NPAS2: variants seen among roughly 807,000 people sequenced by gnomAD.
NPAS2 encodes the protein neuronal PAS domain protein 2.
A neutral mutation model predicts 107.5 loss-of-function variants in NPAS2; 23 were observed. The observed-to-expected ratio is 0.21, with a 90% confidence interval of 0.15 to 0.30. NPAS2 has a LOEUF of 0.30. NPAS2 is among the 10% of genes least tolerant of loss of function. The pLI is 1.00. For missense variants in NPAS2, 756 were observed against 1,043.3 expected, an observed-to-expected ratio of 0.72 and a Z score of 3.79; for synonymous variants, 403 against 417.5, an observed-to-expected ratio of 0.97 and a Z score of 0.42.
chr2:100,975,015 C>T, intron 13 of NPAS2, 71 bp downstream of exon 13: 3 of 1,557,584 alleles, frequency 1.9e-6, no homozygotes, highest in South Asian at 2.3e-5. Flanking sequence ...ACAGAGGGTC[C>T]CGGGCCCAAG....
At chr2:100,851,289 G>T (rs2104473581) in intron 1 of NPAS2, among the ~76,000 whole-genome samples, 1 of 152,336 alleles carries the variant, frequency 6.6e-6, no homozygotes, top group South Asian at 2.1e-4. Flanking sequence ...GGTAAATTCT[G>T]TGTTATATGT....
At chr2:100,863,595 A>C (rs1157791386) in intron 1 of NPAS2, among the ~76,000 whole-genome samples, 1 of 152,236 alleles carries the variant, frequency 6.6e-6, no homozygotes, top group Non-Finnish European at 1.5e-5. Context: ...TGGCATGAGA[A>C]TGACTCTAAA....
In NPAS2 at chr2:100,990,829, G is replaced by T. The variant is rs58728948; in HGVS notation, c.2068G>T (p.Ala690Ser). Residue 690 changes from alanine to serine, a missense_variant, in exon 19 of 21, where the codon GCA becomes TCA. Ala to Ser is a moderately conservative substitution (Grantham distance 99, BLOSUM62 1). This residue lies in a region of NPAS2 where 496 missense variants were observed against 594.4 expected (regional missense o/e 0.83). Coordinates refer to ENST00000335681, the MANE Select transcript of NPAS2 (RefSeq NM_002518.4). ...GCCCATGATGCCCGGGTCCTGTGAC[G>T]CAAGGCAGCCCTCGGAAGTCAGCAG... ...IQPMMPGSCD[A>S]RQPSEVSRTG... 1 of 1,614,170 alleles carries T rather than the reference G, an allele frequency of 6.2e-7. No homozygotes were observed. The highest frequency in any genetic ancestry group is 1.1e-5 in the South Asian group (1 of 91,086).
intron 1 of NPAS2, among the ~76,000 whole-genome samples, chr2:100,868,840 A>G (rs1679395398): frequency 6.6e-6 from 1 of 152,144 alleles, no homozygotes; most frequent in East Asian, 1.9e-4. Flanking sequence ...CAAATTTCAA[A>G]TTGCTTGGTC....
chr2:100,993,271 T>C (rs1678243809), intron 19 of NPAS2, 76 bp from the exon 20 acceptor site: 4 of 1,380,012 alleles, frequency 2.9e-6, no homozygotes, highest in Middle Eastern at 1.9e-4. Flanking sequence ...TGTTTTTTCT[T>C]TGTTGCTCGT....
chr2:100,991,783 G>A (rs1463809299), intron 19 of NPAS2, among the ~76,000 whole-genome samples: 2 of 152,204 alleles, frequency 1.3e-5, no homozygotes, highest in African/African-American at 4.8e-5. Context: ...AAGAGGCTGG[G>A]CTTTAAAGGG....
At chr2:100,954,686 AAAAG>A in intron 7 of NPAS2, among the ~76,000 whole-genome samples, 1 of 150,452 alleles carries the variant, frequency 6.6e-6, no homozygotes, top group Admixed American at 6.6e-5. Context: ...AAAAAGAAAA[AAAAG>A]AAAAGAAAAA....
chr2:100,855,889 AG>A (rs1355820070), intron 1 of NPAS2, among the ~76,000 whole-genome samples: 1 of 152,150 alleles, frequency 6.6e-6, no homozygotes, highest in African/African-American at 2.4e-5. Flanking sequence ...CCTAGTACAG[AG>A]GGTCTCAGCC....
chr2:100,845,863 G>A (rs1677740929), intron 1 of NPAS2, among the ~76,000 whole-genome samples: 1 of 152,198 alleles, frequency 6.6e-6, no homozygotes, highest in Non-Finnish European at 1.5e-5. Context: ...TCATGCTCCT[G>A]TTCTCAGCTC....
intron 7 of NPAS2, among the ~76,000 whole-genome samples, chr2:100,954,858 TG>T (rs1425927263): frequency 1.5e-5 from 2 of 133,148 alleles, no homozygotes; most frequent in African/African-American, 2.8e-5. Flanking sequence ...ATCATTTTTT[TG>T]TTTTTTTTGT....
chr2:100,904,336 T>C (rs575708584), intron 1 of NPAS2, among the ~76,000 whole-genome samples: 58 of 152,368 alleles, frequency 3.8e-4, no homozygotes, highest in Non-Finnish European at 6.9e-4. Flanking sequence ...AAGTGTGGTC[T>C]GAAGACCCTT....
chr2:100,870,939 A>G (rs967972095), intron 1 of NPAS2, among the ~76,000 whole-genome samples: 1 of 152,130 alleles, frequency 6.6e-6, no homozygotes, highest in South Asian at 2.1e-4. Flanking sequence ...TGGACTTTGG[A>G]CCAGTCAAGT....
Position 100,964,123 on chromosome 2 carries a change from AAGG to A in NPAS2, c.668_670del (p.Glu223del), listed in dbSNP as rs761443362. 6.2e-7 allele frequency: 1 copy of A among 1,614,126 alleles called. No homozygotes were observed. ...AAGACCTTGCCGGGTGCCACTAGGA[AAGG>A]AGGTTTGCTTCATTGCCACCGTTCG... On this transcript the variant is annotated inframe_deletion, in exon 8 of 21. Coordinates refer to ENST00000335681, the MANE Select transcript of NPAS2 (RefSeq NM_002518.4).
chr2:100,942,923 G>A (rs1002219304), intron 5 of NPAS2, among the ~76,000 whole-genome samples: 1 of 152,182 alleles, frequency 6.6e-6, no homozygotes, highest in Non-Finnish European at 1.5e-5. Context: ...GCTGCTGTGG[G>A]CTCTTCTTAT....
chr2:100,845,112 G>A (rs1030244064), intron 1 of NPAS2, among the ~76,000 whole-genome samples: 5 of 152,180 alleles, frequency 3.3e-5, no homozygotes, highest in Non-Finnish European at 7.3e-5. Context: ...TAACTAACTA[G>A]AAATGGGGCC....
chr2:100,842,535 G>A (rs1677506774), intron 1 of NPAS2, among the ~76,000 whole-genome samples: 1 of 152,088 alleles, frequency 6.6e-6, no homozygotes, highest in Non-Finnish European at 1.5e-5. Flanking sequence ...TAAAGAAAGG[G>A]CCCTTTTCCC....
At chr2:100,878,417 G>A in intron 1 of NPAS2, 1 of 985,426 alleles carries the variant, frequency 1.0e-6, no homozygotes, top group African/African-American at 1.7e-5. Flanking sequence ...CCTCTTTCCA[G>A]CGTTGGACAA....
chr2:100,861,543 G>C, intron 1 of NPAS2, among the ~76,000 whole-genome samples: 1 of 152,168 alleles, frequency 6.6e-6, no homozygotes, highest in African/African-American at 2.4e-5. Flanking sequence ...GGCCTGTGCA[G>C]CTTGAGAGTT....
At chr2:100,830,493 C>T (rs540965671) in intron 1 of NPAS2, among the ~76,000 whole-genome samples, 11 of 149,012 alleles carry the variant, frequency 7.4e-5, no homozygotes, top group Admixed American at 4.0e-4. Flanking sequence ...CACAACAGGC[C>T]CTGGTGTGTG....
Sources: allele counts gnomAD v4.1 joint callset (sites outside exome capture counted in the v4.1 genomes callset), GRCh38; gene constraint gnomAD v4.1.1; regional missense constraint gnomAD v4.1.1; transcripts MANE v1.5; gene names NCBI Gene and HGNC (gene_info 2026-07-23, HGNC 2026-07-21).